The following PNOC variants were observed in gnomAD, a reference collection of about 807,000 sequenced individuals.
PNOC encodes the protein prepronociceptin.
A neutral mutation model predicts 15.6 loss-of-function variants in PNOC; 10 were observed. The observed-to-expected ratio is 0.64, with a 90% CI of 0.40 to 1.09. PNOC has a LOEUF of 1.09. Ranked by LOEUF, PNOC falls within the 50% of genes least tolerant of loss-of-function variation. The probability of loss-of-function intolerance (pLI) is 0.01; values close to 1 mark genes in which losing one functional copy is unlikely to be tolerated. For synonymous variants in PNOC, 98 were observed against 88.5 expected, an observed-to-expected ratio of 1.11 and a Z score of -0.60; for missense variants, 220 against 223.9, an observed-to-expected ratio of 0.98 and a Z score of 0.11.
intron 2 of PNOC, chr8:28,338,518 C>T (rs757464153): frequency 7.6e-5 from 63 of 829,686 alleles, no homozygotes; most frequent in Non-Finnish European, 8.6e-5. Context: ...CTGCTGTACG[C>T]GGGATGAAAA....
chr8:28,329,191 A>T lies in PNOC; in HGVS notation c.34A>T (p.Ser12Cys). 6.2e-7 allele frequency: 1 copy of T among 1,613,970 alleles called. No individual in the cohort carries two copies. The highest frequency in any genetic ancestry group is 8.5e-7 in the Non-Finnish European group (1 of 1,180,016). Residue 12 changes from serine to cysteine, a missense_variant, in exon 2 of 4, where the codon AGT becomes TGT. By Grantham distance (112) the Ser-to-Cys change is moderately radical. Transcript: ENST00000301908. Reference protein sequence around the residue: ...KVLLCDLLLLSLFSSVFSSCQ... With the variant: ...KVLLCDLLLLCLFSSVFSSCQ... ...CCTGCTTTGTGACCTGCTGCTGCTC[A>T]GTCTCTTCTCCAGTGTGTTCAGCAG...
intron 2 of PNOC, among the ~76,000 whole-genome samples, chr8:28,331,210 C>A (rs1801325147): frequency 6.6e-6 from 1 of 152,176 alleles, no homozygotes; most frequent in Admixed American, 6.5e-5. Context: ...ATACCAGGAT[C>A]AATTTCCCAT....
intron 2 of PNOC, 77 bp downstream of exon 2, chr8:28,329,360 T>G: frequency 6.4e-7 from 1 of 1,551,712 alleles, no homozygotes; most frequent in Non-Finnish European, 8.8e-7. Context: ...GAGCAGACTC[T>G]GAGTGAGAAG....
chr8:28,335,101 C>T (rs1442334626), intron 2 of PNOC, among the ~76,000 whole-genome samples: 1 of 152,186 alleles, frequency 6.6e-6, no homozygotes, highest in African/African-American at 2.4e-5. Flanking sequence ...TCTTGGAAAC[C>T]CTGCCAGGGA....
At chr8:28,324,925 C>A (rs1430630501) in intron 1 of PNOC, among the ~76,000 whole-genome samples, 1 of 152,086 alleles carries the variant, frequency 6.6e-6, no homozygotes, top group Non-Finnish European at 1.5e-5. Context: ...CTTTTCCTTT[C>A]GTATATATTC....
chr8:28,322,450 C>T (rs1801166038), intron 1 of PNOC, among the ~76,000 whole-genome samples: 1 of 152,108 alleles, frequency 6.6e-6, no homozygotes, highest in Admixed American at 6.6e-5. Flanking sequence ...GGAGTACAGA[C>T]TTCAGGACAA....
chr8:28,336,560 T>A (rs1801416018), intron 2 of PNOC, among the ~76,000 whole-genome samples: 1 of 152,146 alleles, frequency 6.6e-6, no homozygotes, highest in Admixed American at 6.5e-5. Flanking sequence ...AAGGGGTGTG[T>A]GATGAAGAAT....
intron 2 of PNOC, among the ~76,000 whole-genome samples, chr8:28,337,581 C>CT (rs10685321): frequency 0.4 from 46,346 of 116,962 alleles, 11,491 homozygotes; most frequent in Non-Finnish European, 0.52. Flanking sequence ...ATTACGTTTC[C>CT]TTTTTTTTTT....
chr8:28,330,394 TTA>T (rs1466056574), intron 2 of PNOC, among the ~76,000 whole-genome samples: 2 of 95,802 alleles, frequency 2.1e-5, no homozygotes, highest in African/African-American at 7.1e-5. Context: ...TTATTTTATT[TTA>T]TTTTTTTTTT....
chr8:28,328,673 A>G (rs1801266769), intron 1 of PNOC, among the ~76,000 whole-genome samples: 1 of 152,172 alleles, frequency 6.6e-6, no homozygotes, highest in African/African-American at 2.4e-5. Flanking sequence ...TCTTCACAAT[A>G]GGCCTGTGAT....
intron 1 of PNOC, among the ~76,000 whole-genome samples, chr8:28,324,432 G>A (rs1192908983): frequency 6.6e-6 from 1 of 152,208 alleles, no homozygotes; most frequent in African/African-American, 2.4e-5. Flanking sequence ...AGGAAGGAAA[G>A]GAAACGGCTC....
Position 28,339,037 on chromosome 8 carries a change from C to A in PNOC, c.127-3C>A. 1.3e-6 allele frequency: 2 copies of A among 1,576,260 alleles called. No homozygotes were observed. The highest frequency in any genetic ancestry group is 2.2e-5 in the South Asian group (2 of 89,200). The stretch of plus-strand genomic sequence containing the variant: ...TCCCCTCCTCTCACCCGTATCTTTG[C>A]AGGTGTGCATCCTCGAGTGTGAAGA... On this transcript the variant is annotated splice_region_variant and splice_polypyrimidine_tract_variant and intron_variant, in intron 2 of 3. Transcript: ENST00000301908.
chr8:28,330,353 G>T (rs1348733054), intron 2 of PNOC, among the ~76,000 whole-genome samples: 1 of 131,688 alleles, frequency 7.6e-6, no homozygotes, highest in Non-Finnish European at 1.6e-5. Flanking sequence ...CACTGAACAG[G>T]TATGTGCCCT....
At chr8:28,338,873 C>A in intron 2 of PNOC, 167 bp from the exon 3 acceptor site, 1 of 1,036,010 alleles carries the variant, frequency 9.7e-7, no homozygotes, top group Non-Finnish European at 1.3e-6. Context: ...GTTTCCAATT[C>A]TGAAATTCTA....
At chr8:28,325,724 C>T (rs540704390) in intron 1 of PNOC, among the ~76,000 whole-genome samples, 29 of 148,796 alleles carry the variant, frequency 1.9e-4, no homozygotes, top group Non-Finnish European at 1.9e-4. Flanking sequence ...GGGAGCTACA[C>T]GTGATCGGCT....
rs144475185 is a variant in PNOC at position 28,339,202 on chromosome 8, C to T, written c.289C>T (p.Arg97Ter). Residue 97 changes from arginine to a stop codon, truncating the protein, a stop_gained, in exon 3 of 4, where the codon CGA (arginine) becomes TGA (stop). Transcript: ENST00000301908. LOFTEE classifies it high-confidence loss of function. ...PRASEMQHLRRMPRVRSLFQE... is the reference protein window; with the variant it reads ...PRASEMQHLR ...AGCTTCGGAGATGCAGCATCTGCGG[C>T]GAATGCCCCGAGTCCGGAGCTTGTT... The T allele has an allele frequency of 6.2e-7, 1 of 1,613,158 alleles. No homozygotes were observed. Among genetic ancestry groups the T allele is most frequent in the East Asian group, 2.2e-5 (1 of 44,858 alleles).
chr8:28,339,695 A>T lies in PNOC; in HGVS notation c.*47+204A>T, dbSNP rs1801482891. On this transcript the variant is annotated intron_variant, in intron 3 of 3. Coordinates refer to ENST00000301908, the MANE Select transcript of PNOC (RefSeq NM_006228.5). Reference sequence around the variant, plus strand: ...ACCTTGAAGCTGACCACTTCCGGCTAGAGACTGGTTACCATGGGGATAATA... The same window carrying T: ...ACCTTGAAGCTGACCACTTCCGGCTTGAGACTGGTTACCATGGGGATAATA... The T allele has an allele frequency of 7.5e-6, 3 of 398,786 alleles. No individual in the cohort carries two copies. In the Admixed American group the frequency reaches 1.2e-4, roughly 16 times the overall value. The allele number at this position is 398,786 out of a possible 1,614,324, so 24.7% of individuals were successfully genotyped here. A position where few individuals can be genotyped will look rare whatever the true frequency, so the allele number is the denominator to read the frequency against.
At chr8:28,320,014 T>G (rs546084725) in intron 1 of PNOC, among the ~76,000 whole-genome samples, 1 of 151,812 alleles carries the variant, frequency 6.6e-6, no homozygotes, top group Non-Finnish European at 1.5e-5. Flanking sequence ...TCTCCCTGGA[T>G]AGGCTACAAT....
intron 2 of PNOC, among the ~76,000 whole-genome samples, chr8:28,337,629 G>A (rs2129900010): frequency 7.2e-6 from 1 of 139,676 alleles, no homozygotes; most frequent in South Asian, 2.3e-4. Context: ...GTCGCCCAGC[G>A]TCAAGTGCAG....
Sources: gnomAD v4.1 joint callset for allele counts (sites outside exome capture counted in the v4.1 genomes callset) on GRCh38, gnomAD v4.1.1 for gene constraint, MANE v1.5 for transcripts, NCBI Gene and HGNC (gene_info 2026-07-23, HGNC 2026-07-21) for gene names.